EFHC1: variants seen among roughly 807,000 people sequenced by gnomAD.
EFHC1 encodes EF-hand domain-containing protein 1.
EFHC1 carries 53 observed loss-of-function variants against 69.9 expected under a neutral mutation model. That is an observed-to-expected ratio of 0.76 (90% CI 0.61 to 0.95). The LOEUF is 0.95. Among genes scored for constraint, EFHC1 ranks in the 40% least tolerant of loss-of-function variants. The probability of loss-of-function intolerance (pLI) is 0.00; values close to 1 mark genes in which losing one functional copy is unlikely to be tolerated. For missense variants in EFHC1, 739 were observed against 798.7 expected (o/e 0.93, Z 0.90); for synonymous variants, 256 against 278.4 (o/e 0.92, Z 0.80).
intron 6 of EFHC1, chr6:52,468,940 A>G (rs1765373245): frequency 3.4e-6 from 1 of 293,654 alleles, no homozygotes; most frequent in Non-Finnish European, 6.5e-6. Context: ...GACTATATGG[A>G]CTTACTTGTT....
chr6:52,467,070 G>A (rs1765321666), intron 6 of EFHC1, among the ~76,000 whole-genome samples: 1 of 152,100 alleles, frequency 6.6e-6, no homozygotes, highest in Admixed American at 6.5e-5. Flanking sequence ...TTTGATCAAG[G>A]AAACTATTTT....
intron 1 of EFHC1, among the ~76,000 whole-genome samples, chr6:52,421,585 A>G (rs187269099): frequency 1.8e-4 from 28 of 152,384 alleles, no homozygotes; most frequent in Non-Finnish European, 3.2e-4. Flanking sequence ...TTATGTTTAT[A>G]TAGTTTAATA....
At chr6:52,447,334 T>C (rs890839513) in intron 3 of EFHC1, among the ~76,000 whole-genome samples, 3 of 152,218 alleles carry the variant, frequency 2.0e-5, no homozygotes, top group African/African-American at 7.2e-5. Flanking sequence ...ACTGATACCC[T>C]TTCTTCCACT....
chr6:52,490,398 A>G (rs1765874570), intron 10 of EFHC1, 48 bp downstream of exon 10: 1 of 1,541,396 alleles, frequency 6.5e-7, no homozygotes. Context: ...CTAGGCACTG[A>G]TCATTCTTTT....
At chr6:52,479,315 A>G (rs1290605514) in intron 8 of EFHC1, 65 bp downstream of exon 8, 1 of 1,554,558 alleles carries the variant, frequency 6.4e-7, no homozygotes, top group Non-Finnish European at 8.9e-7. Context: ...TTGGAATTTA[A>G]TTCATTTAAC....
At chr6:52,465,384 G>A (rs1161695535) in intron 6 of EFHC1, among the ~76,000 whole-genome samples, 1 of 152,084 alleles carries the variant, frequency 6.6e-6, no homozygotes, top group Non-Finnish European at 1.5e-5. Context: ...TGCCCTATAT[G>A]AAGAAATGGG....
intron 5 of EFHC1, among the ~76,000 whole-genome samples, chr6:52,457,444 C>T (rs1161697673): frequency 2.0e-5 from 3 of 152,050 alleles, no homozygotes; most frequent in Non-Finnish European, 4.4e-5. Flanking sequence ...TTTGGGGGCG[C>T]CCAAGAGATG....
chr6:52,495,455 T>A lies in EFHC1; in HGVS notation c.*3114T>A, dbSNP rs1766030554. On this transcript the variant is annotated 3_prime_UTR_variant, in exon 11 of 11. Transcript: ENST00000371068. ...GGGCTACTCCTTAACAAATCATTCA[T>A]GGATCGGCAGCAAATCTGCAACATA... is the stretch of plus-strand genomic sequence containing the variant. 1 of 454,148 alleles carries A rather than the reference T, an allele frequency of 2.2e-6. No individual in the cohort carries two copies. Among genetic ancestry groups the A allele is most frequent in the East Asian group, 6.9e-5 (1 of 14,400 alleles). The allele number at this position is 454,148 out of a possible 1,614,324, so 28.1% of individuals were successfully genotyped here.
At chr6:52,441,918 T>C (rs112801689) in intron 3 of EFHC1, among the ~76,000 whole-genome samples, 15 of 152,282 alleles carry the variant, frequency 9.9e-5, no homozygotes, top group African/African-American at 3.6e-4. Flanking sequence ...TGTTGGTGTA[T>C]AGGAGTGCTA....
chr6:52,442,322 G>A (rs1259554836), intron 3 of EFHC1, among the ~76,000 whole-genome samples: 2 of 148,590 alleles, frequency 1.3e-5, no homozygotes, highest in Non-Finnish European at 3.0e-5. Flanking sequence ...TATACTTTAA[G>A]TTATGGGGTA....
chr6:52,430,024 G>A (rs1475728540), intron 2 of EFHC1: 2 of 152,138 alleles, frequency 1.3e-5, no homozygotes, highest in Non-Finnish European at 2.9e-5. Context: ...CGCTGTTGGT[G>A]TAAAGAAGAG....
intron 7 of EFHC1, among the ~76,000 whole-genome samples, chr6:52,476,431 T>C (rs1765546885): frequency 6.6e-6 from 1 of 152,178 alleles, no homozygotes; most frequent in South Asian, 2.1e-4. Flanking sequence ...CTGCTAAAAT[T>C]AGTGGGAAAA....
chr6:52,484,807 G>A (rs548831825), intron 9 of EFHC1, among the ~76,000 whole-genome samples: 30 of 152,216 alleles, frequency 2.0e-4, no homozygotes, highest in Non-Finnish European at 2.8e-4. Context: ...TGATTGTTTC[G>A]TGATAGTAGT....
chr6:52,438,405 C>T lies in EFHC1; in HGVS notation c.387C>T (p.Asp129=). The T allele has an allele frequency of 1.9e-6, 3 of 1,614,002 alleles. No homozygotes were observed. Among genetic ancestry groups the T allele is most frequent in the Non-Finnish European group, 2.5e-6 (3 of 1,179,968 alleles). ...ACATTTACTATTATCTAGAAGATGA[C>T]AGCATGTCTGTCATAGAGCCTGTTG... The part of the protein sequence containing the change: ...QVNIYYYLED[D]SMSVIEPVVE... Residue 129 remains aspartate, a synonymous_variant, in exon 3 of 11, where the codon GAC becomes GAT. Transcript: ENST00000371068.
rs1052176054 is a variant in EFHC1 at position 52,438,382 on chromosome 6, A to G, written c.364A>G (p.Ile122Val). 2 of 1,613,832 alleles carry G rather than the reference A, an allele frequency of 1.2e-6. No individual in the cohort carries two copies. The highest frequency in any genetic ancestry group is 1.3e-5 in the African/African-American group (1 of 74,914). ...ACAGTATAGGATCCGTCAGGTGAAC[A>G]TTTACTATTATCTAGAAGATGACAG... ...EEQYRIRQVNIYYYLEDDSMS... is the reference protein window; with the variant it reads ...EEQYRIRQVNVYYYLEDDSMS... Residue 122 changes from isoleucine (I) to valine (V), a missense_variant, in exon 3 of 11, where the codon ATT (isoleucine) becomes GTT (valine). Ile to Val is a conservative substitution (Grantham distance 29). Coordinates refer to ENST00000371068, the MANE Select transcript of EFHC1 (RefSeq NM_018100.4).
At chr6:52,458,927 C>T (rs1488798848) in intron 5 of EFHC1, among the ~76,000 whole-genome samples, 1 of 152,074 alleles carries the variant, frequency 6.6e-6, no homozygotes, top group African/African-American at 2.4e-5. Context: ...TACTATATGG[C>T]CATAAAAAAT....
chr6:52,478,625 A>G (rs1765595950), intron 7 of EFHC1, among the ~76,000 whole-genome samples: 1 of 152,226 alleles, frequency 6.6e-6, no homozygotes, highest in African/African-American at 2.4e-5. Flanking sequence ...AACAGGTCTC[A>G]ACTAGCAGCC....
Position 52,470,419 on chromosome 6 carries a change from G to A in EFHC1, c.1278+946G>A, listed in dbSNP as rs571801064. Among the ~76,000 whole-genome samples the A allele has an allele frequency of 7.2e-5, 11 of 152,218 alleles. No homozygotes were observed. The South Asian group carries it at 2.3e-3, about 32-fold the overall frequency. On this transcript the variant is annotated intron_variant, in intron 7 of 10. Transcript: ENST00000371068. ...AAGCGGCTTGTTGAATTATTATATGGTAACTATAACTCCTTAAGGGCAGGA... is the reference window on the plus strand; with the variant it reads ...AAGCGGCTTGTTGAATTATTATATGATAACTATAACTCCTTAAGGGCAGGA...
rs1408066720 is a variant in EFHC1 at position 52,492,925 on chromosome 6, T to A, written c.*584T>A. On this transcript the variant is annotated 3_prime_UTR_variant, in exon 11 of 11. Coordinates refer to ENST00000371068, the MANE Select transcript of EFHC1 (RefSeq NM_018100.4). The stretch of plus-strand genomic sequence containing the variant: ...AGCCACTGTGCCCAGCCTCAGATAT[T>A]TCATTATTCTGGGGGTTTCTCTGAA... 1 of 454,082 alleles carries A rather than the reference T, an allele frequency of 2.2e-6. No individual in the cohort carries two copies. Among genetic ancestry groups the A allele is most frequent in the Admixed American group, 2.3e-5 (1 of 42,560 alleles). The allele number at this position is 454,082 out of a possible 1,614,324, so 28.1% of individuals were successfully genotyped here.
Sources: gnomAD v4.1 joint callset for allele counts (sites outside exome capture counted in the v4.1 genomes callset) on GRCh38, gnomAD v4.1.1 for gene constraint, MANE v1.5 for transcripts, NCBI Gene and HGNC (gene_info 2026-07-23, HGNC 2026-07-21) for gene names.